Variants in MAPK10 observed in about 807,000 individuals in gnomAD.
MAPK10 encodes the protein mitogen-activated protein kinase 10, also known as JNK3 alpha protein kinase.
In MAPK10, 25 loss-of-function variants were observed where a neutral mutation model predicts 59.3. The ratio of observed to expected loss-of-function variants is 0.42; its 90% CI spans 0.31 to 0.59. The LOEUF (loss-of-function observed/expected upper bound fraction) is 0.59. Among genes scored for constraint, MAPK10 ranks in the 20% least tolerant of loss-of-function variants. MAPK10 has a pLI of 0.15. For synonymous variants in MAPK10, 190 were observed against 200.5 expected (o/e 0.95, Z 0.44); for missense variants, 351 against 568.9 (o/e 0.62, Z 3.90).
At chr4:86,323,963 T>G (rs1263309082) in intron 2 of MAPK10, among the ~76,000 whole-genome samples, 1 of 152,170 alleles carries the variant, frequency 6.6e-6, no homozygotes, top group Non-Finnish European at 1.5e-5. Context: ...ACTAACCAAA[T>G]CTAAATAGTA....
intron 1 of MAPK10, among the ~76,000 whole-genome samples, chr4:86,415,288 T>C (rs7675359): frequency 0.19 from 28,236 of 152,052 alleles, 2,697 homozygotes; most frequent in South Asian, 0.28. Context: ...TCCCGATCCA[T>C]ATTGTCAGTG....
intron 2 of MAPK10, among the ~76,000 whole-genome samples, chr4:86,317,599 T>C (rs2095814216): frequency 6.6e-6 from 1 of 152,216 alleles, no homozygotes; most frequent in Non-Finnish European, 1.5e-5. Context: ...TCACACCATC[T>C]ACATTCTAAC....
At chr4:86,369,164 TG>T (rs1407558548) in intron 1 of MAPK10, among the ~76,000 whole-genome samples, 10 of 152,280 alleles carry the variant, frequency 6.6e-5, no homozygotes, top group South Asian at 2.1e-4. Flanking sequence ...CAACCTTTAA[TG>T]GGGCTATTCT....
At chr4:86,466,658 G>T (rs1752233755) in intron 1 of MAPK10, among the ~76,000 whole-genome samples, 1 of 152,134 alleles carries the variant, frequency 6.6e-6, no homozygotes, top group Non-Finnish European at 1.5e-5. Flanking sequence ...TAAAAATCAA[G>T]TCTTTCACAG....
rs148628403 is a variant in MAPK10, at chr4:86,528,352, A to C, written c.-263+65558T>G. On this transcript the variant is annotated intron_variant, in intron 1 of 4. Coordinates refer to the MAPK10 transcript ENST00000502302. ...ATTCCATGATATTTTCAGAAAAAAA[A>C]AACAACATAAAAATTGCATAGTTGA... is the stretch of plus-strand genomic sequence containing the variant. 1.7e-3 allele frequency among the ~76,000 whole-genome samples: 252 copies of C among 152,310 alleles called. 4 individuals carry two copies. The highest frequency in any genetic ancestry group is 5.7e-3 in the African/African-American group (236 of 41,578).
At chr4:86,087,318 T>G (rs539832284) in intron 9 of MAPK10, among the ~76,000 whole-genome samples, 183 of 152,266 alleles carry the variant, frequency 1.2e-3, no homozygotes, top group African/African-American at 3.9e-3. Flanking sequence ...AGTACTAAGT[T>G]AACAAATTGA....
At chr4:86,148,109 A>G (rs1334026191) in intron 4 of MAPK10, among the ~76,000 whole-genome samples, 1 of 152,242 alleles carries the variant, frequency 6.6e-6, no homozygotes, top group Non-Finnish European at 1.5e-5. Context: ...ATCATCATCT[A>G]GCAGCAGACA....
At chr4:86,228,003 G>A (rs1400860137) in intron 2 of MAPK10, among the ~76,000 whole-genome samples, 1 of 152,094 alleles carries the variant, frequency 6.6e-6, no homozygotes, top group African/African-American at 2.4e-5. Context: ...GGGTAGGTCA[G>A]GAGGTGAGAC....
rs900673716 is a variant in MAPK10 at position 86,017,297 on chromosome 4, G to C, written c.1326C>G (p.Asp442Glu). ...TGTCAGTGTCAGATGCCAGGGTCTG[G>C]TCGGTGGACATGGAGGAGATGTCAT... ...SVNDISSMST[D>E]QTLASDTDSS... The change falls in exon 14 of 14, where the codon GAC (aspartate) becomes GAG (glutamate). Residue 442 changes from aspartate to glutamate, a missense_variant. Transcript: ENST00000641462. This position sits in a 1 kb window ranked among gnomAD's most constrained non-coding sequence, Gnocchi z 4.4. The C allele has an allele frequency of 6.2e-7, 1 of 1,614,202 alleles. No individual in the cohort carries two copies.
intron 1 of MAPK10, among the ~76,000 whole-genome samples, chr4:86,553,115 G>C (rs1359490476): frequency 6.6e-6 from 1 of 152,098 alleles, no homozygotes; most frequent in Non-Finnish European, 1.5e-5. Context: ...TTTTGAAAGA[G>C]AAAGAATAAG....
intron 9 of MAPK10, among the ~76,000 whole-genome samples, chr4:86,076,945 A>T (rs1485362488): frequency 3.9e-5 from 6 of 152,150 alleles, no homozygotes; most frequent in African/African-American, 1.4e-4. Context: ...GAAAAGCAAT[A>T]AGTATATTTT....
intron 2 of MAPK10, among the ~76,000 whole-genome samples, chr4:86,197,225 C>CT (rs1249190535): frequency 1.3e-5 from 2 of 152,104 alleles, no homozygotes; most frequent in Non-Finnish European, 2.9e-5. Context: ...TGTGTCCTCT[C>CT]TTATTTCCTT....
chr4:86,453,652 C>A (rs1338940225), upstream of MAPK10, among the ~76,000 whole-genome samples: 1 of 148,578 alleles, frequency 6.7e-6, no homozygotes, highest in African/African-American at 2.5e-5. Flanking sequence ...CTAGCCCTGC[C>A]CCCACCTAAT....
chr4:86,486,204 A>C (rs1753978791), intron 1 of MAPK10, among the ~76,000 whole-genome samples: 1 of 152,168 alleles, frequency 6.6e-6, no homozygotes, highest in Admixed American at 6.5e-5. Context: ...CAGGAGGATC[A>C]CTTGAAGCAA....
intron 11 of MAPK10, among the ~76,000 whole-genome samples, chr4:86,035,390 A>AAAAAAAAAAG (rs2040040519): frequency 6.6e-6 from 1 of 150,858 alleles, no homozygotes; most frequent in Non-Finnish European, 1.5e-5. Context: ...AAAAAAAAAA[A>AAAAAAAAAAG]AAAAATGATC....
chr4:86,235,750 C>T (rs536747083), intron 2 of MAPK10, among the ~76,000 whole-genome samples: 4 of 152,094 alleles, frequency 2.6e-5, no homozygotes, highest in Admixed American at 6.6e-5. Context: ...CTGTGGGGAC[C>T]GGGCGCCTGA....
At chr4:86,319,018 G>A (rs1237692253) in intron 2 of MAPK10, among the ~76,000 whole-genome samples, 2 of 152,098 alleles carry the variant, frequency 1.3e-5, no homozygotes, top group African/African-American at 4.8e-5. Flanking sequence ...TGAGTTGGAG[G>A]GTATCTCAGA....
chr4:86,357,022 T>C (rs1174459149), intron 1 of MAPK10: 1 of 152,184 alleles, frequency 6.6e-6, no homozygotes, highest in African/African-American at 2.4e-5. Context: ...TGCATGATTG[T>C]TGCAATGTCC....
intron 1 of MAPK10, among the ~76,000 whole-genome samples, chr4:86,490,111 A>C (rs970278751): frequency 6.6e-6 from 1 of 152,214 alleles, no homozygotes; most frequent in South Asian, 2.1e-4. Context: ...TAAATAGTGT[A>C]TCTGCTTGTT....
Sources: gnomAD v4.1 joint callset for allele counts (sites outside exome capture counted in the v4.1 genomes callset) on GRCh38, gnomAD v4.1.1 for gene constraint, Gnocchi (gnomAD v3.1) non-coding constraint, MANE v1.5 for transcripts, NCBI Gene and HGNC (gene_info 2026-07-23, HGNC 2026-07-21) for gene names.